FGF14: variants seen among roughly 807,000 people sequenced by gnomAD.
The protein encoded by FGF14 is fibroblast growth factor 14.
Under a neutral mutation model 25.5 loss-of-function variants are expected in FGF14, and 5 were observed. The ratio of observed to expected loss-of-function variants is 0.20; its 90% CI spans 0.10 to 0.41. The LOEUF (loss-of-function observed/expected upper bound fraction) is 0.41. Ranked by LOEUF, FGF14 falls within the 10% of genes least tolerant of loss-of-function variation. The probability of loss-of-function intolerance (pLI) is 1.00; values close to 1 mark genes in which losing one functional copy is unlikely to be tolerated. For synonymous variants in FGF14, 138 were observed against 118.3 expected, an observed-to-expected ratio of 1.17 and a Z score of -1.08; for missense variants, 222 against 320.1, an observed-to-expected ratio of 0.69 and a Z score of 2.34.
intron 1 of FGF14, among the ~76,000 whole-genome samples, chr13:102,376,455 C>T (rs1349736532): frequency 6.6e-6 from 1 of 152,120 alleles, no homozygotes; most frequent in Admixed American, 6.6e-5. Flanking sequence ...TGCTCTTTTC[C>T]TTCCACTGTC....
chr13:102,344,414 A>G (rs1000916278), intron 1 of FGF14, among the ~76,000 whole-genome samples: 2 of 152,260 alleles, frequency 1.3e-5, no homozygotes, highest in African/African-American at 2.4e-5. Flanking sequence ...CCACTTGGGC[A>G]AAACACTAAT....
intron 1 of FGF14, among the ~76,000 whole-genome samples, chr13:102,161,565 T>TGAAGAAAGAGAAGAAGAA (rs2047633625): frequency 2.0e-5 from 2 of 97,926 alleles, no homozygotes. Flanking sequence ...CAACTTTCTG[T>TGAAGAAAGAGAAGAAGAA]GAAGAAAGAA....
intron 1 of FGF14, among the ~76,000 whole-genome samples, chr13:101,924,713 C>T (rs1197109923): frequency 6.6e-6 from 1 of 152,142 alleles, no homozygotes; most frequent in Non-Finnish European, 1.5e-5. Context: ...ATCATGATCT[C>T]TATTTTACAG....
At chr13:102,031,690 A>T (rs2041218411) in intron 1 of FGF14, among the ~76,000 whole-genome samples, 1 of 151,926 alleles carries the variant, frequency 6.6e-6, no homozygotes, top group African/African-American at 2.4e-5. Context: ...GCATAACAAT[A>T]TTGGCAGTCT....
chr13:101,883,474 T>A (rs2045822369), intron 1 of FGF14, among the ~76,000 whole-genome samples: 1 of 152,198 alleles, frequency 6.6e-6, no homozygotes, highest in African/African-American at 2.4e-5. Context: ...ATCTACTTTG[T>A]TCCAAGCGTT....
intron 1 of FGF14, among the ~76,000 whole-genome samples, chr13:101,960,684 T>TTA (rs763648068): frequency 5.9e-5 from 9 of 152,202 alleles, no homozygotes; most frequent in Admixed American, 2.0e-4. Flanking sequence ...ATAGAATGAT[T>TTA]TATAGTCCTT....
intron 1 of FGF14, among the ~76,000 whole-genome samples, chr13:101,952,376 C>A (rs1286531925): frequency 6.6e-6 from 1 of 151,198 alleles, no homozygotes; most frequent in East Asian, 1.9e-4. Flanking sequence ...TCTTTTACAC[C>A]TGTCTTCATA....
At chr13:102,022,658 C>T (rs2040720077) in intron 1 of FGF14, among the ~76,000 whole-genome samples, 1 of 151,922 alleles carries the variant, frequency 6.6e-6, no homozygotes, top group Admixed American at 6.6e-5. Context: ...GCAAAGAAAG[C>T]CACTCATTTA....
At chr13:102,359,526 C>T (rs149500532) in intron 1 of FGF14, among the ~76,000 whole-genome samples, 34 of 152,162 alleles carry the variant, frequency 2.2e-4, no homozygotes, top group African/African-American at 6.7e-4. Flanking sequence ...TTTCTTTCTG[C>T]GTAACACCAG....
At chr13:101,819,698 A>C (rs1262313736) in intron 3 of FGF14, among the ~76,000 whole-genome samples, 1 of 152,240 alleles carries the variant, frequency 6.6e-6, no homozygotes, top group Non-Finnish European at 1.5e-5. Flanking sequence ...TCTAGCAATG[A>C]TACTCATTCA....
At chr13:101,787,104 T>C (rs1023199636) in intron 3 of FGF14, among the ~76,000 whole-genome samples, 2 of 152,154 alleles carry the variant, frequency 1.3e-5, no homozygotes, top group Non-Finnish European at 2.9e-5. Flanking sequence ...TCATTCAAAA[T>C]ATATAATAAG....
chr13:102,312,754 G>C (rs1385157515), intron 1 of FGF14, among the ~76,000 whole-genome samples: 1 of 152,186 alleles, frequency 6.6e-6, no homozygotes, highest in Non-Finnish European at 1.5e-5. Flanking sequence ...GCATGGATTT[G>C]AAAGCTTCTG....
intron 1 of FGF14, among the ~76,000 whole-genome samples, chr13:102,272,898 G>C (rs1009710694): frequency 6.6e-6 from 1 of 152,140 alleles, no homozygotes; most frequent in South Asian, 2.1e-4. Context: ...GAAATTCATT[G>C]ATAAGACTTT....
intron 1 of FGF14, among the ~76,000 whole-genome samples, chr13:101,901,765 A>G (rs962764932): frequency 2.0e-5 from 3 of 152,150 alleles, no homozygotes; most frequent in Non-Finnish European, 4.4e-5. Flanking sequence ...ATACGCGAGG[A>G]GTTTGTGCAG....
At chr13:102,026,890 C>A (rs1174574868) in intron 1 of FGF14, among the ~76,000 whole-genome samples, 1 of 151,840 alleles carries the variant, frequency 6.6e-6, no homozygotes, top group Non-Finnish European at 1.5e-5. Context: ...AGAATTGAAC[C>A]CAGTGAAAGA....
intron 1 of FGF14, among the ~76,000 whole-genome samples, chr13:102,308,512 A>C (rs2055527944): frequency 6.6e-6 from 1 of 152,182 alleles, no homozygotes; most frequent in Non-Finnish European, 1.5e-5. Flanking sequence ...GGATGTATAA[A>C]GGGGGAAGTC....
At chr13:102,355,240 G>T (rs751382278) in intron 1 of FGF14, among the ~76,000 whole-genome samples, 2 of 152,124 alleles carry the variant, frequency 1.3e-5, no homozygotes, top group South Asian at 4.1e-4. Flanking sequence ...GACTTACGTA[G>T]ATCCTGACAA....
intron 3 of FGF14, among the ~76,000 whole-genome samples, chr13:101,858,869 G>A: frequency 6.6e-6 from 1 of 151,982 alleles, no homozygotes; most frequent in East Asian, 1.9e-4. Context: ...TTTAAGTGGT[G>A]GCAACATTTA....
intron 1 of FGF14, among the ~76,000 whole-genome samples, chr13:102,167,789 T>C (rs946157855): frequency 5.5e-5 from 7 of 126,356 alleles, no homozygotes; most frequent in African/African-American, 1.5e-4. Flanking sequence ...ACTGGCATGC[T>C]AGCTCTTTTT....
Sources: gnomAD v4.1 joint callset for allele counts (sites outside exome capture counted in the v4.1 genomes callset) on GRCh38, gnomAD v4.1.1 for gene constraint, MANE v1.5 for transcripts, NCBI Gene and HGNC (gene_info 2026-07-23, HGNC 2026-07-21) for gene names.